The following OXR1 variants were observed in gnomAD, a reference collection of about 807,000 sequenced individuals.
The protein encoded by OXR1 is oxidation resistance 1.
OXR1 carries 41 observed loss-of-function variants against 104.6 expected under a neutral mutation model. That is an observed-to-expected ratio of 0.39 (90% CI 0.31 to 0.51). The LOEUF is 0.51. Ranked by LOEUF, OXR1 falls within the 20% of genes least tolerant of loss-of-function variation. The pLI is 0.77. For missense variants in OXR1, 955 were observed against 1,031.9 expected, an observed-to-expected ratio of 0.93 and a Z score of 1.02; for synonymous variants, 348 against 348.4, an observed-to-expected ratio of 1.00 and a Z score of 0.01.
chr8:106,427,023 G>A (rs1039746922), intron 2 of OXR1, among the ~76,000 whole-genome samples: 2 of 151,984 alleles, frequency 1.3e-5, no homozygotes, highest in Non-Finnish European at 2.9e-5. Context: ...CTGCTTCATG[G>A]CTGCGCGTTT....
intron 3 of OXR1, among the ~76,000 whole-genome samples, chr8:106,569,015 A>G (rs1817276555): frequency 6.6e-6 from 1 of 152,158 alleles, no homozygotes; most frequent in Non-Finnish European, 1.5e-5. Context: ...TTTCAGTAAC[A>G]TGCTGGACAC....
chr8:106,382,309 A>G (rs1817180099), intron 2 of OXR1, among the ~76,000 whole-genome samples: 1 of 152,170 alleles, frequency 6.6e-6, no homozygotes, highest in Admixed American at 6.6e-5. Context: ...ATTGTTTACT[A>G]ACCCAGATCC....
intron 2 of OXR1, among the ~76,000 whole-genome samples, chr8:106,388,070 G>A (rs1817449914): frequency 6.6e-6 from 1 of 152,150 alleles, no homozygotes; most frequent in Admixed American, 6.5e-5. Context: ...ACCAATATTA[G>A]AAAGATTGTG....
intron 3 of OXR1, chr8:106,657,722 C>T (rs574461839): frequency 1.9e-5 from 11 of 573,188 alleles, no homozygotes; most frequent in South Asian, 1.8e-4. Context: ...AAGCTAAGTT[C>T]TGCCTCATTT....
At position 106,303,149 on chromosome 8, in the gene OXR1, T is replaced by C. The variant is rs1247207887; in HGVS notation, c.-139+32782T>C. Among the ~76,000 whole-genome samples the C allele has an allele frequency of 2.6e-5, 4 of 152,060 alleles. No individual in the cohort carries two copies. In the East Asian group the frequency reaches 7.7e-4, roughly 29 times the overall value. On this transcript the variant is annotated intron_variant, in intron 1 of 16. Coordinates refer to ENST00000517566, the MANE Select transcript of OXR1 (RefSeq NM_001198533.2). ...AGTTTTTCTATATAGATTGGCTGAATTTTTCTTTAACTTTTAGAAGGCATG... is the reference window on the plus strand; with the variant it reads ...AGTTTTTCTATATAGATTGGCTGAACTTTTCTTTAACTTTTAGAAGGCATG...
At chr8:106,363,371 A>C (rs1213939781) in intron 2 of OXR1, among the ~76,000 whole-genome samples, 1 of 152,188 alleles carries the variant, frequency 6.6e-6, no homozygotes, top group African/African-American at 2.4e-5. Context: ...GGATGAAATG[A>C]CTTATTTTTC....
Position 106,541,318 on chromosome 8 carries a change from C to T in OXR1, c.220+22179C>T, listed in dbSNP as rs191695929. ...CTATTATGTTAATGTGAAACAAATT[C>T]GTATAATGTTGCTCCTTAAACAGTG... On this transcript the variant is annotated intron_variant, in intron 3 of 16. Coordinates refer to ENST00000517566, the MANE Select transcript of OXR1 (RefSeq NM_001198533.2). Among the ~76,000 whole-genome samples the T allele has an allele frequency of 1.9e-4, 29 of 152,206 alleles. No individual in the cohort carries two copies. In the East Asian group the frequency reaches 2.1e-3, roughly 11 times the overall value.
At chr8:106,288,723 T>C (rs1812616061) in intron 1 of OXR1, among the ~76,000 whole-genome samples, 1 of 144,076 alleles carries the variant, frequency 6.9e-6, no homozygotes, top group South Asian at 2.1e-4. Flanking sequence ...TATATATTTA[T>C]ATATAAATAT....
chr8:106,629,812 TAA>T (rs981748627), intron 3 of OXR1, among the ~76,000 whole-genome samples: 1 of 152,104 alleles, frequency 6.6e-6, no homozygotes, highest in Non-Finnish European at 1.5e-5. Context: ...AACTGCTCTT[TAA>T]AAAAACTTGT....
chr8:106,709,959 A>C (rs912852988), intron 9 of OXR1, among the ~76,000 whole-genome samples: 1 of 152,094 alleles, frequency 6.6e-6, no homozygotes, highest in African/African-American at 2.4e-5. Context: ...AGGTCTCCTG[A>C]CTATAAGTGC....
At chr8:106,430,571 G>A (rs1013719822) in intron 2 of OXR1, among the ~76,000 whole-genome samples, 6 of 152,116 alleles carry the variant, frequency 3.9e-5, no homozygotes, top group Non-Finnish European at 8.8e-5. Flanking sequence ...TTTGTAGAAG[G>A]TATAAAACTT....
chr8:106,648,901 T>C (rs1220600260), intron 3 of OXR1, among the ~76,000 whole-genome samples: 1 of 152,142 alleles, frequency 6.6e-6, no homozygotes, highest in Non-Finnish European at 1.5e-5. Context: ...AGTAAAAATA[T>C]TTGTATAAAA....
chr8:106,561,331 T>TC (rs1816664772), intron 3 of OXR1, among the ~76,000 whole-genome samples: 1 of 151,994 alleles, frequency 6.6e-6, no homozygotes, highest in Admixed American at 6.6e-5. Flanking sequence ...TAGGCTGTTT[T>TC]CCCCTCACAG....
chr8:106,478,341 T>G (rs1821917199), intron 2 of OXR1, among the ~76,000 whole-genome samples: 1 of 151,884 alleles, frequency 6.6e-6, no homozygotes, highest in African/African-American at 2.4e-5. Context: ...TTGCCGTGAA[T>G]TCAAAATTAC....
At chr8:106,377,363 A>T (rs1162778411) in intron 2 of OXR1, among the ~76,000 whole-genome samples, 1 of 152,000 alleles carries the variant, frequency 6.6e-6, no homozygotes, top group East Asian at 1.9e-4. Context: ...AAAAAAAAAA[A>T]TTTATAGAGA....
At chr8:106,451,851 T>C (rs568629459) in intron 2 of OXR1, among the ~76,000 whole-genome samples, 6 of 152,216 alleles carry the variant, frequency 3.9e-5, no homozygotes, top group Non-Finnish European at 5.9e-5. Flanking sequence ...TGATTCCTGC[T>C]CTCCAGAATT....
intron 2 of OXR1, among the ~76,000 whole-genome samples, chr8:106,438,141 C>T (rs1453216): frequency 0.23 from 34,293 of 151,832 alleles, 5,358 homozygotes; most frequent in African/African-American, 0.42. Context: ...GTGTGGATCT[C>T]TTTGTGTCCA....
intron 3 of OXR1, among the ~76,000 whole-genome samples, chr8:106,631,264 C>T (rs1042581539): frequency 1.3e-5 from 2 of 152,106 alleles, no homozygotes; most frequent in African/African-American, 4.8e-5. Context: ...AATATAAATA[C>T]AAATGTAAAT....
At chr8:106,436,722 A>G (rs1819587918) in intron 2 of OXR1, among the ~76,000 whole-genome samples, 1 of 152,116 alleles carries the variant, frequency 6.6e-6, no homozygotes, top group East Asian at 1.9e-4. Flanking sequence ...ACCTTCACAC[A>G]TAGCCTTCCC....
Sources: allele counts gnomAD v4.1 joint callset (sites outside exome capture counted in the v4.1 genomes callset), GRCh38; gene constraint gnomAD v4.1.1; transcripts MANE v1.5; gene names NCBI Gene and HGNC (gene_info 2026-07-23, HGNC 2026-07-21).